Variants in RABGAP1 observed in about 807,000 individuals in gnomAD.
The protein encoded by RABGAP1 is RAB GTPase activating protein 1.
RABGAP1 carries 23 observed loss-of-function variants against 137.6 expected under a neutral mutation model. That is an observed-to-expected ratio of 0.17 (90% CI 0.12 to 0.24). RABGAP1 has a LOEUF of 0.24. RABGAP1 is among the 10% of genes least tolerant of loss of function. The pLI is 1.00. For missense variants in RABGAP1, 906 were observed against 1,275.8 expected, an observed-to-expected ratio of 0.71 and a Z score of 4.42; for synonymous variants, 451 against 450.7, an observed-to-expected ratio of 1.00 and a Z score of -0.01.
chr9:122,958,669 T>C (rs1482086806), intron 2 of RABGAP1, among the ~76,000 whole-genome samples: 1 of 152,128 alleles, frequency 6.6e-6, no homozygotes, highest in Non-Finnish European at 1.5e-5. Flanking sequence ...TGTGAACATG[T>C]ACCCTAGAAC....
intron 2 of RABGAP1, among the ~76,000 whole-genome samples, chr9:122,979,089 G>T (rs968499132): frequency 6.6e-6 from 1 of 151,736 alleles, no homozygotes. Context: ...GTAGAGTCGG[G>T]GTCTCACCAT....
chr9:123,008,885 T>C (rs1045097349), intron 10 of RABGAP1, among the ~76,000 whole-genome samples: 1 of 152,190 alleles, frequency 6.6e-6, no homozygotes, highest in African/African-American at 2.4e-5. Flanking sequence ...TTAGGTAACT[T>C]TTGGGTTATA....
intron 2 of RABGAP1, among the ~76,000 whole-genome samples, chr9:122,964,328 GA>G (rs1295673508): frequency 6.6e-6 from 1 of 152,130 alleles, no homozygotes; most frequent in East Asian, 1.9e-4. Context: ...CTAGCAAAGT[GA>G]ATTCAGCTGG....
intron 19 of RABGAP1, among the ~76,000 whole-genome samples, chr9:123,078,625 C>T (rs937891526): frequency 6.6e-6 from 1 of 152,190 alleles, no homozygotes; most frequent in Non-Finnish European, 1.5e-5. Context: ...CAGCCTGGTT[C>T]AGCACACAAG....
chr9:123,029,520 T>A, intron 13 of RABGAP1: 1 of 839,008 alleles, frequency 1.2e-6, no homozygotes, highest in South Asian at 1.3e-5. Flanking sequence ...GAACCTCAAA[T>A]CTTCAGTCTC....
At chr9:123,102,517 G>A (rs1402490315) in intron 25 of RABGAP1, among the ~76,000 whole-genome samples, 1 of 152,182 alleles carries the variant, frequency 6.6e-6, no homozygotes, top group East Asian at 1.9e-4. Flanking sequence ...AATCAGGAAA[G>A]GCATCACCAA....
chr9:122,950,835 C>T (rs1834206021), intron 1 of RABGAP1, among the ~76,000 whole-genome samples: 1 of 151,942 alleles, frequency 6.6e-6, no homozygotes, highest in Non-Finnish European at 1.5e-5. Flanking sequence ...ATGAGATAGC[C>T]AGTGAAAAGA....
chr9:123,027,625 A>G (rs1287129440), intron 13 of RABGAP1, among the ~76,000 whole-genome samples: 1 of 152,220 alleles, frequency 6.6e-6, no homozygotes, highest in Non-Finnish European at 1.5e-5. Context: ...ATAAAAGGAG[A>G]TCGATTTAGC....
intron 1 of RABGAP1, among the ~76,000 whole-genome samples, chr9:122,955,031 T>G (rs1176068190): frequency 1.3e-5 from 2 of 152,178 alleles, no homozygotes; most frequent in Non-Finnish European, 2.9e-5. Flanking sequence ...CTTTGGATTC[T>G]GGGGTGAGAA....
chr9:123,045,058 AT>A (rs1183522005), intron 13 of RABGAP1, among the ~76,000 whole-genome samples: 1 of 152,224 alleles, frequency 6.6e-6, no homozygotes, highest in African/African-American at 2.4e-5. Context: ...TTAATGAAAG[AT>A]TTGTTGGCTT....
At chr9:122,969,205 A>G (rs1295282763) in intron 2 of RABGAP1, among the ~76,000 whole-genome samples, 2 of 77,398 alleles carry the variant, frequency 2.6e-5, no homozygotes, top group Non-Finnish European at 1.2e-4. Flanking sequence ...TCAGTATAGT[A>G]ACATGCTATA....
At chr9:123,003,591 A>G (rs566047952) in intron 10 of RABGAP1, among the ~76,000 whole-genome samples, 1 of 152,178 alleles carries the variant, frequency 6.6e-6, no homozygotes, top group Non-Finnish European at 1.5e-5. Context: ...GCTTTTTAAG[A>G]CCTGTTTAAA....
intron 19 of RABGAP1, among the ~76,000 whole-genome samples, chr9:123,082,937 G>C (rs2034757506): frequency 6.6e-6 from 1 of 152,184 alleles, no homozygotes; most frequent in African/African-American, 2.4e-5. Context: ...TGTGTAGTTA[G>C]TATGTATTAG....
intron 14 of RABGAP1, among the ~76,000 whole-genome samples, chr9:123,069,885 A>AAAAAT (rs1228151701): frequency 2.0e-5 from 3 of 152,152 alleles, no homozygotes; most frequent in Non-Finnish European, 4.4e-5. Context: ...CCCTGTCTCT[A>AAAAAT]AAAATAAAAT....
At chr9:123,057,233 G>T (rs1214215911) in intron 13 of RABGAP1, among the ~76,000 whole-genome samples, 1 of 148,954 alleles carries the variant, frequency 6.7e-6, no homozygotes, top group Admixed American at 6.7e-5. Flanking sequence ...GCTGCCGGGC[G>T]GAGGGGCTCC....
At chr9:123,015,406 C>A in intron 11 of RABGAP1, 137 bp from the exon 12 acceptor site, 1 of 448,514 alleles carries the variant, frequency 2.2e-6, no homozygotes, top group East Asian at 3.7e-5. Flanking sequence ...TTGTACCTAT[C>A]CATAAATACT....
chr9:123,086,605 C>T (rs973207261), intron 19 of RABGAP1, among the ~76,000 whole-genome samples: 3 of 152,068 alleles, frequency 2.0e-5, no homozygotes, highest in East Asian at 1.9e-4. Context: ...TATGCAGCCA[C>T]CCATGCTGCA....
chr9:123,035,946 C>G (rs1410190262), intron 13 of RABGAP1, among the ~76,000 whole-genome samples: 2 of 152,168 alleles, frequency 1.3e-5, no homozygotes, highest in African/African-American at 4.8e-5. Context: ...GCTGGCATGA[C>G]TGAACCTGAG....
chr9:122,989,857 C>A, intron 5 of RABGAP1, 199 bp from the exon 6 acceptor site: 1 of 562,678 alleles, frequency 1.8e-6, no homozygotes, highest in African/African-American at 1.9e-5. Context: ...GTGCTTACAA[C>A]CATTTCTTTT....
Sources: allele counts gnomAD v4.1 joint callset (sites outside exome capture counted in the v4.1 genomes callset), GRCh38; gene constraint gnomAD v4.1.1; transcripts MANE v1.5; gene names NCBI Gene and HGNC (gene_info 2026-07-23, HGNC 2026-07-21).